The following DDX39A variants were observed in gnomAD, a reference collection of about 807,000 sequenced individuals.
DDX39A encodes the protein DExD-box helicase 39A.
Under a neutral mutation model 46.3 loss-of-function variants are expected in DDX39A, and 13 were observed. The ratio of observed to expected loss-of-function variants is 0.28; its 90% CI spans 0.18 to 0.45. DDX39A has a LOEUF of 0.45. DDX39A is among the 20% of genes least tolerant of loss of function. The pLI, the probability that DDX39A is intolerant of heterozygous loss-of-function variation, is 1.00. For missense variants in DDX39A, 352 were observed against 581.8 expected (o/e 0.61, Z 4.06); for synonymous variants, 234 against 224.6 (o/e 1.04, Z -0.38).
At chr19:14,415,076 T>C (rs1976754565) in intron 1 of DDX39A, among the ~76,000 whole-genome samples, 1 of 152,080 alleles carries the variant, frequency 6.6e-6, no homozygotes, top group African/African-American at 2.4e-5. Context: ...AATTTTAGAA[T>C]ACTTCATCAC....
In DDX39A at chr19:14,410,165, A is replaced by C. The variant is rs749006482; in HGVS notation, c.732+51T>G. ...GGCCGTGCGGGTGTCCTGGGGCCCC[A>C]GGCTCCAGGCCCCTGGGGAAGGCCA... On this transcript the variant is annotated intron_variant, in intron 6 of 10. Coordinates refer to ENST00000242776, the MANE Select transcript of DDX39A (RefSeq NM_005804.4). The surrounding 1 kb of genome is among the most constrained non-coding windows in gnomAD (Gnocchi z 4.3). 1.4e-5 allele frequency: 22 copies of C among 1,553,654 alleles called. No homozygotes were observed. Among genetic ancestry groups the C allele is most frequent in the Non-Finnish European group, 1.4e-5 (16 of 1,127,306 alleles).
At position 14,412,785 on chromosome 19, in the gene DDX39A, G is replaced by C; in HGVS notation, c.209-107C>G. On this transcript the variant is annotated intron_variant, in intron 2 of 10. Coordinates refer to ENST00000242776, the MANE Select transcript of DDX39A (RefSeq NM_005804.4). The surrounding 1 kb of genome is among the most constrained non-coding windows in gnomAD (Gnocchi z 4.4). ...AGTGAGGGCAATCAGAAGAGGCCGA[G>C]TCCGGACAAGGCCACAGACACCTGC... is the stretch of plus-strand genomic sequence containing the variant. 2.1e-6 allele frequency: 3 copies of C among 1,461,222 alleles called. No homozygotes were observed. Among genetic ancestry groups the C allele is most frequent in the Non-Finnish European group, 2.8e-6 (3 of 1,087,834 alleles). 90.5% of individuals were successfully genotyped at this position (1,461,222 alleles called of 1,614,324 possible). A position where few individuals can be genotyped will look rare whatever the true frequency, so the allele number is the denominator to read the frequency against.
rs1270721520 is a variant in DDX39A, at chr19:14,412,703, G to A, written c.209-25C>T. ...ACTGCAGGAGAAGCAGAGCGTGAGG[G>A]ACGAGAACCTGGATGCACCCCCGTG... On this transcript the variant is annotated intron_variant, in intron 2 of 10. Transcript: ENST00000242776. The surrounding 1 kb of genome is among the most constrained non-coding windows in gnomAD (Gnocchi z 4.4). 1 of 1,586,486 alleles carries A rather than the reference G, an allele frequency of 6.3e-7. No homozygotes were observed. Among genetic ancestry groups the A allele is most frequent in the Middle Eastern group, 1.7e-4 (1 of 5,990 alleles).
chr19:14,412,827 C>T lies in DDX39A; in HGVS notation c.209-149G>A. 7.7e-7 allele frequency: 1 copy of T among 1,304,526 alleles called. No homozygotes were observed. The highest frequency in any genetic ancestry group is 1.4e-5 in the South Asian group (1 of 69,712). 80.8% of individuals were successfully genotyped at this position (1,304,526 alleles called of 1,614,324 possible). A position where few individuals can be genotyped will look rare whatever the true frequency, so the allele number is the denominator to read the frequency against. ...GACACCTGCAGGGCTGGGGTATCCG[C>T]CTGGTCAAAGCAGAACGCCCCACTG... is the stretch of plus-strand genomic sequence containing the variant. On this transcript the variant is annotated intron_variant, in intron 2 of 10. Coordinates refer to ENST00000242776, the MANE Select transcript of DDX39A (RefSeq NM_005804.4). This position sits in a 1 kb window ranked among gnomAD's most constrained non-coding sequence, Gnocchi z 4.4.
In DDX39A at chr19:14,409,297, G is replaced by C. The variant is rs557071355; in HGVS notation, c.1119+6C>G. The C allele has an allele frequency of 3.2e-5, 52 of 1,614,072 alleles. No individual in the cohort carries two copies. The highest frequency in any genetic ancestry group is 4.2e-5 in the Non-Finnish European group (49 of 1,180,036). On this transcript the variant is annotated splice_donor_region_variant and intron_variant, in intron 9 of 10. Coordinates refer to ENST00000242776, the MANE Select transcript of DDX39A (RefSeq NM_005804.4). This position sits in a 1 kb window ranked among gnomAD's most constrained non-coding sequence, Gnocchi z 8.3. ...GGGAAAGCAACATGCCCGTGAGGCTGCTCACCCGGTGCAGGTAGGTGTCCG... is the reference window on the plus strand; with the variant it reads ...GGGAAAGCAACATGCCCGTGAGGCTCCTCACCCGGTGCAGGTAGGTGTCCG...
At position 14,412,824 on chromosome 19, in the gene DDX39A, C is replaced by T. The variant is rs1322405944; in HGVS notation, c.209-146G>A. 1 of 1,307,736 alleles carries T rather than the reference C, an allele frequency of 7.6e-7. No individual in the cohort carries two copies. The highest frequency in any genetic ancestry group is 2.4e-5 in the East Asian group (1 of 41,202). The allele number at this position is 1,307,736 out of a possible 1,614,324, so 81.0% of individuals were successfully genotyped here. On this transcript the variant is annotated intron_variant, in intron 2 of 10. Coordinates refer to ENST00000242776, the MANE Select transcript of DDX39A (RefSeq NM_005804.4). This position sits in a 1 kb window ranked among gnomAD's most constrained non-coding sequence, Gnocchi z 4.4. ...ACAGACACCTGCAGGGCTGGGGTAT[C>T]CGCCTGGTCAAAGCAGAACGCCCCA...
intron 1 of DDX39A, 54 bp from the exon 2 acceptor site, chr19:14,413,278 C>G: frequency 2.0e-6 from 3 of 1,513,420 alleles, no homozygotes; most frequent in Non-Finnish European, 2.7e-6. Flanking sequence ...GATGATGAAG[C>G]TTCATTCAAA....
chr19:14,411,160 A>C lies in DDX39A; in HGVS notation c.442T>G (p.Phe148Val), dbSNP rs774188639. 6.3e-7 allele frequency: 1 copy of C among 1,586,194 alleles called. No homozygotes were observed. Among genetic ancestry groups the C allele is most frequent in the African/African-American group, 1.4e-5 (1 of 73,510 alleles). The part of the protein sequence containing the change: ...YMPSVKVSVF[F>V]GGLSIKKDEE... ...TCCTTCTTGATGGAGAGACCACCGA[A>C]GAACACAGACACCTATGGGGATGAG... is the stretch of plus-strand genomic sequence containing the variant. The change falls in exon 5 of 11, where the codon TTC (phenylalanine) becomes GTC (valine). Residue 148 changes from phenylalanine (F) to valine (V), a missense_variant. Coordinates refer to ENST00000242776, the MANE Select transcript of DDX39A (RefSeq NM_005804.4). The surrounding 1 kb of genome is among the most constrained non-coding windows in gnomAD (Gnocchi z 4.1).
chr19:14,419,056 G>A (rs1157909105), intron 1 of DDX39A: 1 of 445,312 alleles, frequency 2.2e-6, no homozygotes, highest in Non-Finnish European at 4.5e-6. Context: ...CCCGAGCCCC[G>A]AGCACCGCGC....
At position 14,408,848 on chromosome 19, in the gene DDX39A, A is replaced by G. The variant is rs1446943761; in HGVS notation, c.*88T>C. The G allele has an allele frequency of 3.3e-6, 5 of 1,503,766 alleles. No homozygotes were observed. The African/African-American group carries it at 4.2e-5, about 13-fold the overall frequency. The allele number at this position is 1,503,766 out of a possible 1,614,324, so 93.2% of individuals were successfully genotyped here. ...ATAATAACAAGTTTATTCTCATACA[A>G]TCTCTAGCTTCTCAACAGTGGCGCC... On this transcript the variant is annotated 3_prime_UTR_variant, in exon 11 of 11. Transcript: ENST00000242776.
At position 14,410,219 on chromosome 19, in the gene DDX39A, C is replaced by T; in HGVS notation, c.729G>A (p.Gln243=). 6.2e-7 allele frequency: 1 copy of T among 1,613,834 alleles called. No individual in the cohort carries two copies. Among genetic ancestry groups the T allele is most frequent in the Non-Finnish European group, 8.5e-7 (1 of 1,179,740 alleles). ...DIRPVCRKFM[Q]DPMEVFVDDE... is the part of the protein sequence containing the mutation. ...CTGCCACTCTCGCCCTACTCACATC[C>T]TGCATGAACTTCCTGCACACAGGCC... Residue 243 remains glutamine, a synonymous_variant, in exon 6 of 11, where the codon CAG becomes CAA. Coordinates refer to ENST00000242776, the MANE Select transcript of DDX39A (RefSeq NM_005804.4). The surrounding 1 kb of genome is among the most constrained non-coding windows in gnomAD (Gnocchi z 4.3).
intron 1 of DDX39A, chr19:14,418,782 C>T (rs1009286173): frequency 1.5e-5 from 6 of 392,222 alleles, no homozygotes; most frequent in South Asian, 1.1e-4. Context: ...GTCTTATTTG[C>T]TCTAAATCTC....
Position 14,409,121 on chromosome 19 carries a change from C to A in DDX39A, c.1183G>T (p.Asp395Tyr), listed in dbSNP as rs1976436211. 2 of 1,614,212 alleles carry A rather than the reference C, an allele frequency of 1.2e-6. No individual in the cohort carries two copies. The highest frequency in any genetic ancestry group is 1.7e-6 in the Non-Finnish European group (2 of 1,180,044). The change falls in exon 10 of 11, where the codon GAT (aspartate) becomes TAT (tyrosine). Residue 395 changes from aspartate (D) to tyrosine (Y), a missense_variant. Asp to Tyr is a radical substitution (Grantham distance 160, BLOSUM62 -3). Transcript: ENST00000242776. The surrounding 1 kb of genome is among the most constrained non-coding windows in gnomAD (Gnocchi z 8.3). Reference protein sequence around the residue: ...LAITFVSDENDAKILNDVQDR... With the variant: ...LAITFVSDENYAKILNDVQDR... The stretch of plus-strand genomic sequence containing the variant: ...TGGACGTCATTGAGGATTTTGGCAT[C>A]ATTCTCGTCAGACACAAAAGTGATG...
Position 14,410,469 on chromosome 19 carries a change from G to A in DDX39A, c.614-135C>T, listed in dbSNP as rs1976535019. The A allele has an allele frequency of 1.3e-6, 1 of 750,902 alleles. No homozygotes were observed. Among genetic ancestry groups the A allele is most frequent in the Non-Finnish European group, 2.3e-6 (1 of 439,292 alleles). 46.5% of individuals were successfully genotyped at this position (750,902 alleles called of 1,614,324 possible). A position where few individuals can be genotyped will look rare whatever the true frequency, so the allele number is the denominator to read the frequency against. ...CGTGACGAGGGCAGAGTGAGCCGCG[G>A]GAGTGGCCAGTCCTGGTGCCTGAGG... is the stretch of plus-strand genomic sequence containing the variant. On this transcript the variant is annotated intron_variant, in intron 5 of 10. Coordinates refer to ENST00000242776, the MANE Select transcript of DDX39A (RefSeq NM_005804.4). This position sits in a 1 kb window ranked among gnomAD's most constrained non-coding sequence, Gnocchi z 4.3.
At chr19:14,413,510 T>C (rs1976678548) in intron 1 of DDX39A, among the ~76,000 whole-genome samples, 1 of 151,650 alleles carries the variant, frequency 6.6e-6, no homozygotes, top group Non-Finnish European at 1.5e-5. Context: ...GGCAATCCCC[T>C]TGGTTTGACC....
At position 14,411,657 on chromosome 19, in the gene DDX39A, A is replaced by C; in HGVS notation, c.337-59T>G. On this transcript the variant is annotated intron_variant, in intron 3 of 10. Transcript: ENST00000242776. This position sits in a 1 kb window ranked among gnomAD's most constrained non-coding sequence, Gnocchi z 4.1. ...AGGCAGTGTCCTAAACCCCTTCCCC[A>C]CCAGAGTCCACCCAACCCAGTCCCC... The C allele has an allele frequency of 6.7e-7, 1 of 1,485,574 alleles. No individual in the cohort carries two copies. Among genetic ancestry groups the C allele is most frequent in the Non-Finnish European group, 9.3e-7 (1 of 1,071,016 alleles). 92.0% of individuals were successfully genotyped at this position (1,485,574 alleles called of 1,614,324 possible). A position where few individuals can be genotyped will look rare whatever the true frequency, so the allele number is the denominator to read the frequency against.
Position 14,409,352 on chromosome 19 carries a change from A to C in DDX39A, c.1070T>G (p.Ile357Ser), listed in dbSNP as rs1308408001. ...CTCAGGCATGTCGTAGTTAAAGACG[A>C]TGTTGACTCGCTCGATGTCCATCCC... ...GRGMDIERVN[I>S]VFNYDMPEDS... The change falls in exon 9 of 11, where the codon ATC (isoleucine) becomes AGC (serine). Residue 357 changes from isoleucine (I) to serine (S), a missense_variant. Ile to Ser is a moderately radical substitution (Grantham distance 142). Transcript: ENST00000242776. This position sits in a 1 kb window ranked among gnomAD's most constrained non-coding sequence, Gnocchi z 8.3. The C allele has an allele frequency of 6.2e-7, 1 of 1,614,078 alleles. No individual in the cohort carries two copies. The highest frequency in any genetic ancestry group is 1.3e-5 in the African/African-American group (1 of 74,924).
At chr19:14,419,022 T>C (rs1184928732) in intron 1 of DDX39A, 7 of 455,524 alleles carry the variant, frequency 1.5e-5, no homozygotes, top group Admixed American at 4.7e-5. Flanking sequence ...CCGTAGGCCA[T>C]GACAGCCCCT....
intron 1 of DDX39A, 50 bp from the exon 2 acceptor site, chr19:14,413,274 G>A: frequency 6.6e-7 from 1 of 1,526,630 alleles, no homozygotes; most frequent in Non-Finnish European, 9.0e-7. Context: ...GAAGGATGAT[G>A]AAGCTTCATT....
Sources: gnomAD v4.1 joint callset for allele counts (sites outside exome capture counted in the v4.1 genomes callset) on GRCh38, gnomAD v4.1.1 for gene constraint, Gnocchi (gnomAD v3.1) non-coding constraint, MANE v1.5 for transcripts, NCBI Gene and HGNC (gene_info 2026-07-23, HGNC 2026-07-21) for gene names.